The following EPN2 variants were observed in gnomAD, a reference collection of about 807,000 sequenced individuals.
The protein encoded by EPN2 is epsin-2.
In EPN2, 34 loss-of-function variants were observed where a neutral mutation model predicts 61.7. The observed-to-expected ratio is 0.55, with a 90% CI of 0.42 to 0.73. The LOEUF is 0.73. Among genes scored for constraint, EPN2 ranks in the 30% least tolerant of loss-of-function variants. The pLI, the probability that EPN2 is intolerant of heterozygous loss-of-function variation, is 0.00. For missense variants in EPN2, 714 were observed against 839.2 expected, an observed-to-expected ratio of 0.85 and a Z score of 1.84; for synonymous variants, 349 against 353.6, an observed-to-expected ratio of 0.99 and a Z score of 0.15.
At chr17:19,268,479 C>T (rs560057871) in intron 1 of EPN2, among the ~76,000 whole-genome samples, 51 of 152,262 alleles carry the variant, frequency 3.3e-4, no homozygotes, top group Middle Eastern at 3.4e-3. Context: ...ATCTCAGTCT[C>T]GCACTCCCAG....
At chr17:19,293,695 T>G (rs964418482) in intron 4 of EPN2, among the ~76,000 whole-genome samples, 1 of 152,008 alleles carries the variant, frequency 6.6e-6, no homozygotes, top group Admixed American at 6.6e-5. Context: ...GCCACCACAC[T>G]CAGCCAGGAA....
Position 19,334,274 on chromosome 17 carries a change from C to T in EPN2, c.*20C>T, listed in dbSNP as rs1598030473. On this transcript the variant is annotated 3_prime_UTR_variant, in exon 11 of 11. Transcript: ENST00000314728. This position sits in a 1 kb window ranked among gnomAD's most constrained non-coding sequence, Gnocchi z 4.9. Reference sequence around the variant, plus strand: ...CTCTAGTGCCTGGGCCTGGGACCCACCCAGAGCACCTGTGCTGGAGGATGC... The same window carrying T: ...CTCTAGTGCCTGGGCCTGGGACCCATCCAGAGCACCTGTGCTGGAGGATGC... 9.1e-6 allele frequency: 13 copies of T among 1,422,384 alleles called. No homozygotes were observed. In the East Asian group the frequency reaches 3.5e-4, roughly 38 times the overall value. The allele number at this position is 1,422,384 out of a possible 1,614,324, so 88.1% of individuals were successfully genotyped here.
chr17:19,315,358 C>A (rs1156914394), intron 7 of EPN2, among the ~76,000 whole-genome samples: 1 of 152,094 alleles, frequency 6.6e-6, no homozygotes, highest in Non-Finnish European at 1.5e-5. Flanking sequence ...GGGGTGTGAG[C>A]GGAGGAGTCT....
intron 1 of EPN2, among the ~76,000 whole-genome samples, chr17:19,246,811 C>G (rs553447256): frequency 6.9e-6 from 1 of 144,602 alleles, no homozygotes; most frequent in South Asian, 2.3e-4. Flanking sequence ...CTCTGTCACC[C>G]AGGCTGGAGT....
intron 4 of EPN2, among the ~76,000 whole-genome samples, chr17:19,303,028 A>C (rs1277009083): frequency 6.6e-6 from 1 of 152,232 alleles, no homozygotes; most frequent in Non-Finnish European, 1.5e-5. Context: ...ATCCACACAC[A>C]GAGTGTGCGT....
chr17:19,271,007 A>C (rs554312718), intron 1 of EPN2, among the ~76,000 whole-genome samples: 12 of 152,120 alleles, frequency 7.9e-5, no homozygotes, highest in Non-Finnish European at 1.5e-4. Context: ...CAAGGTGTGA[A>C]CTCTGGCAGT....
chr17:19,263,031 G>A (rs935209011), intron 1 of EPN2, among the ~76,000 whole-genome samples: 1 of 152,230 alleles, frequency 6.6e-6, no homozygotes, highest in Non-Finnish European at 1.5e-5. Context: ...GAGTAACACA[G>A]CTGTGAACAT....
At chr17:19,310,035 C>A (rs1233361953) in intron 5 of EPN2, 38 bp downstream of exon 5, 4 of 1,429,762 alleles carry the variant, frequency 2.8e-6, no homozygotes, top group Non-Finnish European at 3.9e-6. Context: ...CATTGACTGC[C>A]CATGCTCAGG....
At position 19,285,791 on chromosome 17, in the gene EPN2, G is replaced by C; in HGVS notation, c.766+1G>C. 6.3e-7 allele frequency: 1 copy of C among 1,582,352 alleles called. No individual in the cohort carries two copies. The highest frequency in any genetic ancestry group is 1.1e-5 in the South Asian group (1 of 87,138). ...CTCACTTGTGACCGCGCAGCCCGAG[G>C]TGGGACGGCGGTTTGCTTTTTTCCT... On this transcript the variant is annotated splice_donor_variant, in intron 4 of 10. Coordinates refer to ENST00000314728, the MANE Select transcript of EPN2 (RefSeq NM_014964.5). LOFTEE classifies it high-confidence loss of function. This position sits in a 1 kb window ranked among gnomAD's most constrained non-coding sequence, Gnocchi z 4.5.
chr17:19,256,359 G>T (rs545479916), intron 1 of EPN2, among the ~76,000 whole-genome samples: 42 of 144,420 alleles, frequency 2.9e-4, no homozygotes, highest in Admixed American at 9.4e-4. Context: ...GCTGAGAGGG[G>T]AGAATTGCTT....
In EPN2 at chr17:19,328,694, A is replaced by T. The variant is rs774653049; in HGVS notation, c.1148-17A>T. On this transcript the variant is annotated splice_polypyrimidine_tract_variant and intron_variant, in intron 7 of 10. Coordinates refer to ENST00000314728, the MANE Select transcript of EPN2 (RefSeq NM_014964.5). ...CCTCTGAAGGCATTTCTGAGCCCTG[A>T]CCCTGCCTTCCAACAGGTACCAAGC... is the stretch of plus-strand genomic sequence containing the variant. 6 of 1,592,880 alleles carry T rather than the reference A, an allele frequency of 3.8e-6. No individual in the cohort carries two copies. The highest frequency in any genetic ancestry group is 5.1e-6 in the Non-Finnish European group (6 of 1,166,988).
intron 1 of EPN2, among the ~76,000 whole-genome samples, chr17:19,252,783 G>A (rs1019340875): frequency 1.3e-5 from 2 of 152,182 alleles, no homozygotes; most frequent in African/African-American, 4.8e-5. Context: ...TCCGCCTCCT[G>A]GGCTCAAGCC....
At chr17:19,317,110 C>T (rs954162089) in intron 7 of EPN2, among the ~76,000 whole-genome samples, 2 of 152,264 alleles carry the variant, frequency 1.3e-5, no homozygotes, top group Non-Finnish European at 2.9e-5. Context: ...CTTCCCCTAA[C>T]AGTGTTAGCT....
chr17:19,241,479 G>A (rs964015812), intron 1 of EPN2, among the ~76,000 whole-genome samples: 6 of 151,624 alleles, frequency 4.0e-5, no homozygotes, highest in Non-Finnish European at 7.4e-5. Context: ...CCAGCTACTC[G>A]GGAGGCTGAG....
intron 1 of EPN2, among the ~76,000 whole-genome samples, chr17:19,264,766 T>A (rs945054432): frequency 7.2e-5 from 11 of 152,004 alleles, no homozygotes; most frequent in African/African-American, 2.7e-4. Context: ...CTCGGTGCCC[T>A]GTAGAGTCAT....
chr17:19,298,960 A>C (rs1905335638), intron 4 of EPN2, among the ~76,000 whole-genome samples: 1 of 152,058 alleles, frequency 6.6e-6, no homozygotes, highest in South Asian at 2.1e-4. Flanking sequence ...TTTTTTAAGG[A>C]TTCTTTGGAT....
intron 1 of EPN2, among the ~76,000 whole-genome samples, chr17:19,256,045 C>T (rs2045074145): frequency 6.6e-6 from 1 of 152,044 alleles, no homozygotes; most frequent in Admixed American, 6.5e-5. Flanking sequence ...TCATACCATT[C>T]TCCTGCCTCA....
intron 1 of EPN2, chr17:19,257,858 C>T (rs2045098622): frequency 6.6e-6 from 1 of 152,178 alleles, no homozygotes; most frequent in South Asian, 2.1e-4. Flanking sequence ...GTTTAGTCCT[C>T]AGGGGTCTTT....
chr17:19,283,387 G>A lies in EPN2; in HGVS notation c.268G>A (p.Glu90Lys), dbSNP rs1427478777. The A allele has an allele frequency of 6.2e-7, 1 of 1,614,066 alleles. No homozygotes were observed. The highest frequency in any genetic ancestry group is 8.5e-7 in the Non-Finnish European group (1 of 1,180,036). Residue 90 changes from glutamate (E) to lysine (K), a missense_variant, in exon 3 of 11, where the codon GAA becomes AAA. By Grantham distance (56) the Glu-to-Lys change is moderately conservative. Coordinates refer to ENST00000314728, the MANE Select transcript of EPN2 (RefSeq NM_014964.5). The surrounding 1 kb of genome is among the most constrained non-coding windows in gnomAD (Gnocchi z 7.0). ...GGACTACCTCATCAAGACAGGCTCC[G>A]AACGTGTGGCCCAGCAGTGCCGGGA... ...LLDYLIKTGS[E>K]RVAQQCRENI...
Sources: allele counts gnomAD v4.1 joint callset (sites outside exome capture counted in the v4.1 genomes callset), GRCh38; gene constraint gnomAD v4.1.1; non-coding constraint Gnocchi (gnomAD v3.1); transcripts MANE v1.5; gene names NCBI Gene and HGNC (gene_info 2026-07-23, HGNC 2026-07-21).